HECW2: variants seen among roughly 807,000 people sequenced by gnomAD.
HECW2 encodes the protein E3 ubiquitin-protein ligase HECW2.
HECW2 carries 61 observed loss-of-function variants against 175.2 expected under a neutral mutation model. That is an observed-to-expected ratio of 0.35 (90% CI 0.28 to 0.43). The LOEUF (loss-of-function observed/expected upper bound fraction) is 0.43. Ranked by LOEUF, HECW2 falls within the 20% of genes least tolerant of loss-of-function variation. The pLI is 1.00. For missense variants in HECW2, 1,524 were observed against 2,000.5 expected (o/e 0.76, Z 4.54); for synonymous variants, 671 against 731.0 (o/e 0.92, Z 1.32).
At chr2:196,254,387 T>C (rs893387790) in intron 18 of HECW2, among the ~76,000 whole-genome samples, 4 of 152,244 alleles carry the variant, frequency 2.6e-5, no homozygotes, top group African/African-American at 7.2e-5. Flanking sequence ...ATCATAAATA[T>C]ACAAAGTATG....
At chr2:196,536,486 A>G (rs1244096722) in intron 1 of HECW2, among the ~76,000 whole-genome samples, 2 of 152,202 alleles carry the variant, frequency 1.3e-5, no homozygotes, top group Admixed American at 6.5e-5. Context: ...TCAGCCTCAC[A>G]AAACTCCTGC....
chr2:196,452,225 C>T (rs965403806), intron 1 of HECW2, among the ~76,000 whole-genome samples: 4 of 152,100 alleles, frequency 2.6e-5, no homozygotes, highest in African/African-American at 9.6e-5. Flanking sequence ...AAAGAATTAG[C>T]ACAAAAAAAT....
At chr2:196,523,853 T>G (rs1309620690) in intron 1 of HECW2, among the ~76,000 whole-genome samples, 1 of 152,148 alleles carries the variant, frequency 6.6e-6, no homozygotes, top group East Asian at 1.9e-4. Flanking sequence ...ATAAGCTTTT[T>G]GATGTGCTGC....
At chr2:196,252,685 T>G (rs1173251503) in intron 19 of HECW2, among the ~76,000 whole-genome samples, 1 of 152,204 alleles carries the variant, frequency 6.6e-6, no homozygotes, top group Non-Finnish European at 1.5e-5. Context: ...TGCAAAACCA[T>G]AAGCCAGTGA....
chr2:196,330,644 C>A (rs1692323149), intron 4 of HECW2, among the ~76,000 whole-genome samples: 2 of 152,076 alleles, frequency 1.3e-5, no homozygotes, highest in Admixed American at 1.3e-4. Flanking sequence ...CCCTTGATAT[C>A]AGATCGAACT....
At chr2:196,244,556 C>T (rs1205779905) in intron 19 of HECW2, among the ~76,000 whole-genome samples, 1 of 152,078 alleles carries the variant, frequency 6.6e-6, no homozygotes, top group African/African-American at 2.4e-5. Context: ...TGGCTGCCTG[C>T]CCCCCAAGCC....
chr2:196,568,447 C>A (rs1159052527), intron 1 of HECW2, among the ~76,000 whole-genome samples: 1 of 152,162 alleles, frequency 6.6e-6, no homozygotes, highest in African/African-American at 2.4e-5. Context: ...CTAGGAAATA[C>A]AGACAGCCCC....
At chr2:196,483,470 GGGA>G (rs1311875376) in intron 1 of HECW2, among the ~76,000 whole-genome samples, 1 of 152,188 alleles carries the variant, frequency 6.6e-6, no homozygotes, top group African/African-American at 2.4e-5. Flanking sequence ...GAGTGGGACA[GGGA>G]GGAGGTTTAC....
At chr2:196,264,684 A>G (rs1248608988) in intron 17 of HECW2, among the ~76,000 whole-genome samples, 1 of 152,204 alleles carries the variant, frequency 6.6e-6, no homozygotes. Context: ...TTGACTGTCC[A>G]GTTGTCTTCA....
At chr2:196,448,146 G>T (rs539741852) in intron 1 of HECW2, among the ~76,000 whole-genome samples, 29 of 152,310 alleles carry the variant, frequency 1.9e-4, no homozygotes, top group Admixed American at 1.9e-3. Context: ...CTAAATGTTG[G>T]TGTAAGATAA....
intron 1 of HECW2, among the ~76,000 whole-genome samples, chr2:196,437,859 G>T (rs1695926948): frequency 6.6e-6 from 1 of 152,116 alleles, no homozygotes; most frequent in African/African-American, 2.4e-5. Flanking sequence ...AAATGCTGCA[G>T]GGAAAGACTG....
At chr2:196,523,293 T>G (rs1688489306) in intron 1 of HECW2, among the ~76,000 whole-genome samples, 1 of 151,582 alleles carries the variant, frequency 6.6e-6, no homozygotes, top group Non-Finnish European at 1.5e-5. Context: ...TGTTGGTGTA[T>G]AAGAATGCTT....
At chr2:196,515,059 C>A (rs1204728067) in intron 1 of HECW2, among the ~76,000 whole-genome samples, 1 of 152,240 alleles carries the variant, frequency 6.6e-6, no homozygotes, top group African/African-American at 2.4e-5. Flanking sequence ...AGTTCCTGGC[C>A]TCTCCAAGCC....
Position 196,252,289 on chromosome 2 carries a change from A to G in HECW2, c.3529+1631T>C, listed in dbSNP as rs944422442. On this transcript the variant is annotated intron_variant, in intron 19 of 28. Coordinates refer to ENST00000644978, the MANE Select transcript of HECW2 (RefSeq NM_001348768.2). ...TGAGAACTTCCCTTCCCTTGTATCT[A>G]TTAACTTACTTGTATCTATTTCCTA... Among the ~76,000 whole-genome samples, 4 of 151,810 alleles carry G rather than the reference A, an allele frequency of 2.6e-5. No individual in the cohort carries two copies. The East Asian group carries it at 7.7e-4, about 29-fold the overall frequency.
At chr2:196,569,015 A>G (rs961297366) in intron 1 of HECW2, among the ~76,000 whole-genome samples, 4 of 152,298 alleles carry the variant, frequency 2.6e-5, no homozygotes, top group Non-Finnish European at 4.4e-5. Context: ...TATTCACTAA[A>G]TTACATGAGA....
intron 1 of HECW2, among the ~76,000 whole-genome samples, chr2:196,511,157 G>A (rs1286855491): frequency 6.6e-6 from 1 of 152,098 alleles, no homozygotes; most frequent in Non-Finnish European, 1.5e-5. Context: ...GCAAAGAGAG[G>A]GTTTCACCAT....
At chr2:196,299,985 G>A (rs1220259701) in intron 13 of HECW2, among the ~76,000 whole-genome samples, 2 of 152,046 alleles carry the variant, frequency 1.3e-5, no homozygotes, top group Non-Finnish European at 2.9e-5. Flanking sequence ...TATTTATCCA[G>A]TCTCTACTTG....
At chr2:196,207,886 G>A (rs1387494934) in intron 28 of HECW2, among the ~76,000 whole-genome samples, 12 of 152,234 alleles carry the variant, frequency 7.9e-5, no homozygotes, top group Admixed American at 5.2e-4. Context: ...TGTATCTGGG[G>A]TAACTAGCAG....
At chr2:196,274,170 C>T (rs754591687) in intron 15 of HECW2, 47 bp from the exon 16 acceptor site, 3 of 1,424,628 alleles carry the variant, frequency 2.1e-6, no homozygotes, top group Non-Finnish European at 3.0e-6. Flanking sequence ...AGCCAGAATG[C>T]TCTATATCAG....
Sources: gnomAD v4.1 joint callset for allele counts (sites outside exome capture counted in the v4.1 genomes callset) on GRCh38, gnomAD v4.1.1 for gene constraint, MANE v1.5 for transcripts, NCBI Gene and HGNC (gene_info 2026-07-23, HGNC 2026-07-21) for gene names.